ANO9: variants seen among roughly 807,000 people sequenced by gnomAD.
ANO9 encodes anoctamin 9, also known as anoctamin-9.
In ANO9, 80 loss-of-function variants were observed where a neutral mutation model predicts 100.5. That is an observed-to-expected ratio of 0.80 (90% CI 0.66 to 0.96). The LOEUF is 0.96. Among genes scored for constraint, ANO9 ranks in the 40% least tolerant of loss-of-function variants. The pLI is 0.00. For missense variants in ANO9, 1,064 were observed against 1,072.7 expected (o/e 0.99, Z 0.11); for synonymous variants, 473 against 435.6 (o/e 1.09, Z -1.07).
intron 4 of ANO9, 34 bp downstream of exon 4, chr11:433,280 T>C: frequency 1.9e-6 from 3 of 1,602,720 alleles, no homozygotes; most frequent in Non-Finnish European, 1.7e-6. Flanking sequence ...GGCAAGGGGT[T>C]CTCCTGGCCA....
intron 3 of ANO9, 112 bp from the exon 4 acceptor site, chr11:433,571 T>C: frequency 7.0e-7 from 1 of 1,422,878 alleles, no homozygotes; most frequent in African/African-American, 1.8e-5. Flanking sequence ...CTATTCCGCC[T>C]CAGAACCCTC....
chr11:438,720 G>A (rs1239928935), intron 1 of ANO9, among the ~76,000 whole-genome samples: 1 of 152,106 alleles, frequency 6.6e-6, no homozygotes, highest in Non-Finnish European at 1.5e-5. Context: ...CGGGAGCCTG[G>A]CTTCTCCACA....
At chr11:435,258 G>A (rs201706840) in intron 1 of ANO9, among the ~76,000 whole-genome samples, 8 of 81,928 alleles carry the variant, frequency 9.8e-5, no homozygotes, top group Non-Finnish European at 1.8e-4. Flanking sequence ...AGTCTAGTAT[G>A]GTATAGTCTA....
In ANO9 at chr11:418,369, C is replaced by G; in HGVS notation, c.*2G>C. 1 of 1,602,208 alleles carries G rather than the reference C, an allele frequency of 6.2e-7. No individual in the cohort carries two copies. Among genetic ancestry groups the G allele is most frequent in the African/African-American group, 1.3e-5 (1 of 74,758 alleles). ...CTGGTGGCCTCTGGACGGGCTCTGG[C>G]CCTACACGTCTGTGCTCCTGGCACT... On this transcript the variant is annotated 3_prime_UTR_variant, in exon 23 of 23. Coordinates refer to ENST00000332826, the MANE Select transcript of ANO9 (RefSeq NM_001012302.3).
At position 418,447 on chromosome 11, in the gene ANO9, C is replaced by A; in HGVS notation, c.2273G>T (p.Gly758Val). 1 of 1,612,726 alleles carries A rather than the reference C, an allele frequency of 6.2e-7. No individual in the cohort carries two copies. The highest frequency in any genetic ancestry group is 8.5e-7 in the Non-Finnish European group (1 of 1,179,890). The change falls in exon 23 of 23, where the codon GGG becomes GTG. Residue 758 changes from glycine (G) to valine (V), a missense_variant. By Grantham distance (109) the Gly-to-Val change is moderately radical. Transcript: ENST00000332826. ...WHGRQRLGGV[G>V]AGSRPPMPAH... is the part of the protein sequence containing the mutation. ...AGGCATTGGGGGCCGAGAGCCTGCC[C>A]CCACCCCACCCAGCCTCTGCCTTCC... is the stretch of plus-strand genomic sequence containing the variant.
In ANO9 at chr11:433,828, C is replaced by A. The variant is rs886638920; in HGVS notation, c.191G>T (p.Gly64Val). The A allele has an allele frequency of 7.0e-6, 11 of 1,561,806 alleles. No homozygotes were observed. The highest frequency in any genetic ancestry group is 8.7e-6 in the Non-Finnish European group (10 of 1,153,410). The change falls in exon 3 of 23, where the codon GGC becomes GTC. Residue 64 changes from glycine to valine, a missense_variant. Physicochemically the swap from Gly to Val is moderately radical, Grantham distance 109. Coordinates refer to ENST00000332826, the MANE Select transcript of ANO9 (RefSeq NM_001012302.3). ...QQFLEELRRKGFHIKVIRDQK... is the reference protein window; with the variant it reads ...QQFLEELRRKVFHIKVIRDQK... ...GCACCCGCCCACCTTAATGTGGAAGCCCTTTCTCCTGAGCTCCTCCAGGAA... is the reference window on the plus strand; with the variant it reads ...GCACCCGCCCACCTTAATGTGGAAGACCTTTCTCCTGAGCTCCTCCAGGAA...
rs771310905 is a variant in ANO9, at chr11:421,454, CA to C, written c.1335-257del. On this transcript the variant is annotated intron_variant, in intron 15 of 22. Coordinates refer to ENST00000332826, the MANE Select transcript of ANO9 (RefSeq NM_001012302.3). This position sits in a 1 kb window ranked among gnomAD's most constrained non-coding sequence, Gnocchi z 6.8. ...ACGTGGGCGCGCGCACACACACACA[CA>C]CCCCCACACAGGGGAGGCCACAGGC... Among the ~76,000 whole-genome samples the C allele has an allele frequency of 0.024, 2,686 of 112,546 alleles. 1,232 individuals are homozygous for C. Among genetic ancestry groups the C allele is most frequent in the Middle Eastern group, 0.044 (11 of 250 alleles). 73.8% of individuals were successfully genotyped at this position (112,546 alleles called of 152,430 possible). A position where few individuals can be genotyped will look rare whatever the true frequency, so the allele number is the denominator to read the frequency against.
chr11:425,940 G>A (rs1177727735), intron 15 of ANO9, among the ~76,000 whole-genome samples: 3 of 151,880 alleles, frequency 2.0e-5, no homozygotes, highest in Non-Finnish European at 2.9e-5. Context: ...CACCGTGTTA[G>A]CCAGGATACT....
chr11:419,522 G>A, intron 20 of ANO9, 60 bp downstream of exon 20: 1 of 1,591,312 alleles, frequency 6.3e-7, no homozygotes, highest in East Asian at 2.2e-5. Flanking sequence ...GGATCCCCCA[G>A]GGCTTGGCTG....
chr11:419,134 G>A (rs979099195), intron 20 of ANO9, 145 bp from the exon 21 acceptor site: 39 of 1,471,246 alleles, frequency 2.7e-5, no homozygotes, highest in Middle Eastern at 2.5e-4. Flanking sequence ...CGGGGCTCCC[G>A]GGCCAAGCAC....
Position 431,761 on chromosome 11 carries a change from C to T in ANO9, c.472G>A (p.Gly158Arg), listed in dbSNP as rs747653832. The T allele has an allele frequency of 1.2e-6, 2 of 1,612,642 alleles. No individual in the cohort carries two copies. Among genetic ancestry groups the T allele is most frequent in the East Asian group, 2.2e-5 (1 of 44,878 alleles). The change falls in exon 7 of 23, where the codon GGA (glycine) becomes AGA (arginine). Residue 158 changes from glycine (G) to arginine (R), a missense_variant. Coordinates refer to ENST00000332826, the MANE Select transcript of ANO9 (RefSeq NM_001012302.3). Reference protein sequence around the residue: ...EARFPLHKGEGRLKKTWARWR... With the variant: ...EARFPLHKGERRLKKTWARWR... ...CGCGCCCACGTCTTCTTCAGGCGTC[C>T]CTCCCCCTGGCTCGGGTGACAGAGA...
chr11:430,414 C>G lies in ANO9; in HGVS notation c.540-11G>C. ...TCCCCAAAGTAGTTCCTGCAGGCAG[C>G]AGGGGTCAAGGCCAGCTGTCAGGGG... On this transcript the variant is annotated splice_polypyrimidine_tract_variant and intron_variant, in intron 7 of 22. Coordinates refer to ENST00000332826, the MANE Select transcript of ANO9 (RefSeq NM_001012302.3). 7.3e-7 allele frequency: 1 copy of G among 1,364,664 alleles called. No homozygotes were observed. The highest frequency in any genetic ancestry group is 9.7e-7 in the Non-Finnish European group (1 of 1,031,762). 84.5% of individuals were successfully genotyped at this position (1,364,664 alleles called of 1,614,324 possible).
chr11:418,408 G>T lies in ANO9; in HGVS notation c.2312C>A (p.Pro771Gln). ...SRPPMPAHPT[P>Q]ASIFSARSTD... ...GCTCCTGGCACTGAAGATGGATGCT[G>T]GGGTGGGATGGGCAGGCATTGGGGG... The change falls in exon 23 of 23, where the codon CCA becomes CAA. Residue 771 changes from proline (P) to glutamine (Q), a missense_variant. Transcript: ENST00000332826. 6.2e-7 allele frequency: 1 copy of T among 1,612,270 alleles called. No individual in the cohort carries two copies. Among genetic ancestry groups the T allele is most frequent in the South Asian group, 1.1e-5 (1 of 91,056 alleles).
intron 4 of ANO9, 126 bp downstream of exon 4, chr11:433,188 C>T (rs1849157947): frequency 2.2e-6 from 3 of 1,357,456 alleles, no homozygotes; most frequent in Admixed American, 2.8e-5. Context: ...GGCCCCTGCC[C>T]TGAGACCACA....
chr11:418,628 C>T (rs777710452), intron 22 of ANO9, 39 bp from the exon 23 acceptor site: 4 of 1,611,104 alleles, frequency 2.5e-6, no homozygotes, highest in Non-Finnish European at 2.5e-6. Flanking sequence ...CGGTCAGGTG[C>T]CAGCTGGCAT....
At chr11:433,082 G>A (rs764336274) in intron 4 of ANO9, 10 of 543,186 alleles carry the variant, frequency 1.8e-5, no homozygotes, top group African/African-American at 3.9e-5. Flanking sequence ...GCAGCCACAC[G>A]GAGCCCTCAG....
chr11:441,697 G>A (rs1315239437), intron 1 of ANO9, among the ~76,000 whole-genome samples: 3 of 152,098 alleles, frequency 2.0e-5, no homozygotes, highest in East Asian at 1.9e-4. Flanking sequence ...GAGGAACGCC[G>A]CCCGCCTCCA....
Position 432,087 on chromosome 11 carries a change from C to A in ANO9, c.351-33G>T, listed in dbSNP as rs767224416. 1.2e-6 allele frequency: 2 copies of A among 1,610,890 alleles called. No individual in the cohort carries two copies. Among genetic ancestry groups the A allele is most frequent in the Non-Finnish European group, 1.7e-6 (2 of 1,178,854 alleles). On this transcript the variant is annotated intron_variant, in intron 4 of 22. Coordinates refer to ENST00000332826, the MANE Select transcript of ANO9 (RefSeq NM_001012302.3). This position sits in a 1 kb window ranked among gnomAD's most constrained non-coding sequence, Gnocchi z 4.8. The stretch of plus-strand genomic sequence containing the variant: ...GCCAGAGCAGGGTGGCCCCGTGTGA[C>A]CACAGTGGACCCTGCCTCCAGGTCT...
In ANO9 at chr11:428,079, C is replaced by T. The variant is rs771048606; in HGVS notation, c.1334+9G>A. 1.6e-5 allele frequency: 25 copies of T among 1,602,636 alleles called. No homozygotes were observed. The highest frequency in any genetic ancestry group is 4.5e-5 in the East Asian group (2 of 44,634). ...AGTTGGGTTGGAGGGAGCCTGGCGC[C>T]GGCCCTACCTGCCCAGGATGAAGGC... On this transcript the variant is annotated intron_variant, in intron 15 of 22. Transcript: ENST00000332826.
Sources: allele counts gnomAD v4.1 joint callset (sites outside exome capture counted in the v4.1 genomes callset), GRCh38; gene constraint gnomAD v4.1.1; non-coding constraint Gnocchi (gnomAD v3.1); transcripts MANE v1.5; gene names NCBI Gene and HGNC (gene_info 2026-07-23, HGNC 2026-07-21).